The following MYO16 variants were observed in gnomAD, a reference collection of about 807,000 sequenced individuals.
The protein encoded by MYO16 is myosin XVI.
A neutral mutation model predicts 205.3 loss-of-function variants in MYO16; 94 were observed. The ratio of observed to expected loss-of-function variants is 0.46; its 90% CI spans 0.39 to 0.54. The LOEUF (loss-of-function observed/expected upper bound fraction) is 0.54. Among genes scored for constraint, MYO16 ranks in the 20% least tolerant of loss-of-function variants. The probability of loss-of-function intolerance (pLI) is 0.00; values close to 1 mark genes in which losing one functional copy is unlikely to be tolerated. For synonymous variants in MYO16, 988 were observed against 954.0 expected (o/e 1.04, Z -0.66); for missense variants, 2,315 against 2,387.5 (o/e 0.97, Z 0.63).
chr13:108,802,225 C>G (rs956533117), intron 6 of MYO16, among the ~76,000 whole-genome samples: 2 of 152,106 alleles, frequency 1.3e-5, no homozygotes, highest in Non-Finnish European at 2.9e-5. Flanking sequence ...ACCCTTCGAC[C>G]AACAACTCTT....
At chr13:108,891,009 G>A (rs2139187588) in intron 14 of MYO16, among the ~76,000 whole-genome samples, 1 of 152,244 alleles carries the variant, frequency 6.6e-6, no homozygotes, top group Non-Finnish European at 1.5e-5. Context: ...CCTGTCCCTG[G>A]AATTCAGAGC....
intron 28 of MYO16, among the ~76,000 whole-genome samples, chr13:109,106,427 A>C (rs996220192): frequency 6.6e-5 from 10 of 152,244 alleles, no homozygotes; most frequent in African/African-American, 2.4e-4. Flanking sequence ...TCCAAGCCAC[A>C]GAAGAGTGAC....
chr13:108,596,649 A>G (rs1878573901), intron 1 of MYO16, among the ~76,000 whole-genome samples: 1 of 152,268 alleles, frequency 6.6e-6, no homozygotes, highest in Non-Finnish European at 1.5e-5. Flanking sequence ...TTCTTATTCA[A>G]GAGCACATAC....
chr13:109,196,688 A>T (rs1308990546), intron 34 of MYO16, among the ~76,000 whole-genome samples: 2 of 152,154 alleles, frequency 1.3e-5, no homozygotes, highest in African/African-American at 4.8e-5. Context: ...GGGCTCCAGT[A>T]ATACTGCCTT....
chr13:108,798,746 C>T (rs959121754), intron 6 of MYO16, among the ~76,000 whole-genome samples: 7 of 114,654 alleles, frequency 6.1e-5, no homozygotes, highest in Non-Finnish European at 1.0e-4. Flanking sequence ...TCGCCCAGGC[C>T]GGACTGCGGA....
intron 11 of MYO16, among the ~76,000 whole-genome samples, chr13:108,858,485 G>A (rs1272479997): frequency 6.6e-6 from 1 of 152,116 alleles, no homozygotes. Flanking sequence ...TTGGGCCAAT[G>A]CATTTGGTGA....
At chr13:108,799,657 GC>G (rs1886909963) in intron 6 of MYO16, among the ~76,000 whole-genome samples, 1 of 152,130 alleles carries the variant, frequency 6.6e-6, no homozygotes, top group South Asian at 2.1e-4. Context: ...TTCACCCCCA[GC>G]CCCCGAATTT....
intron 13 of MYO16, among the ~76,000 whole-genome samples, chr13:108,885,557 A>C (rs1879828892): frequency 1.3e-5 from 2 of 152,306 alleles, no homozygotes; most frequent in South Asian, 4.1e-4. Context: ...AAACTTTTTA[A>C]AAGTTGCTTA....
intron 16 of MYO16, among the ~76,000 whole-genome samples, chr13:108,914,660 T>G (rs992411885): frequency 2.0e-5 from 3 of 152,206 alleles, no homozygotes; most frequent in South Asian, 2.1e-4. Flanking sequence ...AATTCCCTTT[T>G]TTTTCTTTTA....
chr13:108,982,191 G>C (rs1021448613), intron 20 of MYO16, among the ~76,000 whole-genome samples: 1 of 152,212 alleles, frequency 6.6e-6, no homozygotes, highest in East Asian at 1.9e-4. Flanking sequence ...TAATACCAGC[G>C]TGTTGTATTC....
Position 108,907,094 on chromosome 13 carries a change from G to T in MYO16, c.1778-2909G>T, listed in dbSNP as rs118040216. Among the ~76,000 whole-genome samples, 261 of 152,280 alleles carry T rather than the reference G, an allele frequency of 1.7e-3. 7 individuals are homozygous for T. In the East Asian group the frequency reaches 0.045, roughly 26 times the overall value. The stretch of plus-strand genomic sequence containing the variant: ...TGGTCGTGTACCCATAACTAGATGG[G>T]TGAGACATGGTGAGAGTGGGTGTTG... On this transcript the variant is annotated intron_variant, in intron 15 of 34. Coordinates refer to ENST00000457511, the MANE Select transcript of MYO16 (RefSeq NM_001198950.3).
chr13:108,866,086 T>G, intron 11 of MYO16, 91 bp from the exon 12 acceptor site: 1 of 817,808 alleles, frequency 1.2e-6, no homozygotes, highest in East Asian at 3.1e-5. Context: ...TTATTTATAT[T>G]TCATACACTG....
intron 2 of MYO16, among the ~76,000 whole-genome samples, chr13:108,697,707 CTCTTTTTCTT>C (rs1355174502): frequency 1.3e-4 from 19 of 151,858 alleles, no homozygotes; most frequent in Admixed American, 9.2e-4. Flanking sequence ...ATGTGTATTA[CTCTTTTTCTT>C]TCTTTTTCTT....
chr13:108,763,954 T>C (rs1885697902), intron 4 of MYO16, among the ~76,000 whole-genome samples: 2 of 150,732 alleles, frequency 1.3e-5, no homozygotes, highest in Non-Finnish European at 3.0e-5. Flanking sequence ...AGAAAAAGGC[T>C]ACAAAAAAGA....
At chr13:108,671,180 G>T (rs113415861) in intron 2 of MYO16, among the ~76,000 whole-genome samples, 2,492 of 152,216 alleles carry the variant, frequency 0.016, 57 homozygotes, top group African/African-American at 0.058. Flanking sequence ...GAAAGGACTG[G>T]ATAGAAAAGT....
intron 9 of MYO16, among the ~76,000 whole-genome samples, chr13:108,837,032 G>T (rs1397068797): frequency 6.6e-6 from 1 of 152,164 alleles, no homozygotes; most frequent in Non-Finnish European, 1.5e-5. Flanking sequence ...GGGGTGAAAT[G>T]ATATGGTTTA....
chr13:108,934,698 C>T (rs376256964), intron 16 of MYO16, among the ~76,000 whole-genome samples: 4 of 151,912 alleles, frequency 2.6e-5, no homozygotes, highest in East Asian at 1.9e-4. Flanking sequence ...AATGGCATTT[C>T]CTAGGTTTTC....
chr13:109,148,671 G>A (rs1203839916), intron 32 of MYO16, among the ~76,000 whole-genome samples: 1 of 152,210 alleles, frequency 6.6e-6, no homozygotes, highest in Non-Finnish European at 1.5e-5. Context: ...TTTGGGCAGA[G>A]GCTTCATAAG....
intron 3 of MYO16, among the ~76,000 whole-genome samples, chr13:108,713,442 C>G (rs1451222771): frequency 6.6e-6 from 1 of 152,116 alleles, no homozygotes; most frequent in Non-Finnish European, 1.5e-5. Flanking sequence ...GGGGGTCATG[C>G]CCTTAACTTC....
Sources: allele counts gnomAD v4.1 joint callset (sites outside exome capture counted in the v4.1 genomes callset), GRCh38; gene constraint gnomAD v4.1.1; transcripts MANE v1.5; gene names NCBI Gene and HGNC (gene_info 2026-07-23, HGNC 2026-07-21).